Variants in MYRFL observed in about 807,000 individuals in gnomAD.
MYRFL encodes the protein myelin regulatory factor-like protein.
Under a neutral mutation model 109.4 loss-of-function variants are expected in MYRFL, and 88 were observed. The observed-to-expected ratio is 0.80, with a 90% CI of 0.68 to 0.96. MYRFL has a LOEUF of 0.96. Ranked by LOEUF, MYRFL falls within the 40% of genes least tolerant of loss-of-function variation. The pLI, the probability that MYRFL is intolerant of heterozygous loss-of-function variation, is 0.00. For synonymous variants in MYRFL, 324 were observed against 320.9 expected (o/e 1.01, Z -0.10); for missense variants, 957 against 954.9 (o/e 1.00, Z -0.03).
chr12:69,887,071 T>A, intron 6 of MYRFL, 101 bp downstream of exon 6: 1 of 1,262,200 alleles, frequency 7.9e-7, no homozygotes, highest in Non-Finnish European at 1.1e-6. Flanking sequence ...TCTGGTCAAG[T>A]GGGGCAAATC....
At chr12:69,933,925 T>G (rs789563) in intron 16 of MYRFL, among the ~76,000 whole-genome samples, 39,506 of 152,118 alleles carry the variant, frequency 0.26, 5,458 homozygotes, top group Non-Finnish European at 0.32. Flanking sequence ...AGATGGTAGG[T>G]ATTGGGTTTG....
At chr12:69,831,925 G>A (rs180680128) in intron 1 of MYRFL, among the ~76,000 whole-genome samples, 2 of 152,276 alleles carry the variant, frequency 1.3e-5, no homozygotes, top group Non-Finnish European at 1.5e-5. Flanking sequence ...GCAATTTGGA[G>A]CATACAGGCA....
chr12:69,893,672 C>T, intron 7 of MYRFL, 92 bp from the exon 8 acceptor site: 1 of 683,222 alleles, frequency 1.5e-6, no homozygotes, highest in Non-Finnish European at 2.1e-6. Flanking sequence ...TAGGATGATG[C>T]CTTGAAAAGC....
intron 13 of MYRFL, among the ~76,000 whole-genome samples, chr12:69,912,705 G>C (rs1954610302): frequency 6.6e-6 from 1 of 152,042 alleles, no homozygotes; most frequent in Non-Finnish European, 1.5e-5. Context: ...TTCCTATGTT[G>C]ATGAACTCTT....
At chr12:69,884,505 G>C (rs1011331356) in intron 5 of MYRFL, among the ~76,000 whole-genome samples, 7 of 152,200 alleles carry the variant, frequency 4.6e-5, no homozygotes, top group African/African-American at 1.7e-4. Flanking sequence ...CCCTGCCCCT[G>C]TCCACCCTCC....
At chr12:69,897,744 GC>G (rs1954044656) in intron 10 of MYRFL, among the ~76,000 whole-genome samples, 1 of 152,226 alleles carries the variant, frequency 6.6e-6, no homozygotes, top group Non-Finnish European at 1.5e-5. Context: ...AAATGATGGA[GC>G]CTGGATCTCT....
chr12:69,937,955 T>C (rs756013335), intron 19 of MYRFL, among the ~76,000 whole-genome samples: 1 of 151,966 alleles, frequency 6.6e-6, no homozygotes, highest in Non-Finnish European at 1.5e-5. Flanking sequence ...TTCACAAGCC[T>C]ACAAACGAGG....
intron 20 of MYRFL, 70 bp downstream of exon 20, chr12:69,952,245 C>A: frequency 1.4e-6 from 2 of 1,384,530 alleles, no homozygotes; most frequent in Non-Finnish European, 2.0e-6. Flanking sequence ...GTTGTAAAAG[C>A]ATTGCTGGAG....
chr12:69,900,944 G>A (rs1011539556), intron 10 of MYRFL, among the ~76,000 whole-genome samples: 1 of 152,150 alleles, frequency 6.6e-6, no homozygotes, highest in Admixed American at 6.5e-5. Flanking sequence ...AGTGTGTCGA[G>A]AATAACTTTG....
chr12:69,831,938 C>T (rs997329266), intron 1 of MYRFL, among the ~76,000 whole-genome samples: 54 of 152,106 alleles, frequency 3.6e-4, no homozygotes, highest in African/African-American at 1.3e-3. Flanking sequence ...TACAGGCAGG[C>T]TAGGTTGTCT....
chr12:69,860,010 C>G (rs1884541814), intron 2 of MYRFL, among the ~76,000 whole-genome samples: 2 of 152,028 alleles, frequency 1.3e-5, no homozygotes, highest in South Asian at 4.1e-4. Flanking sequence ...AAACGTGTGC[C>G]TAGGTGGTTT....
chr12:69,934,334 C>T (rs1424047484), intron 16 of MYRFL, among the ~76,000 whole-genome samples: 2 of 152,232 alleles, frequency 1.3e-5, no homozygotes, highest in African/African-American at 4.8e-5. Context: ...CCAGGCATGT[C>T]ACCCCAAGGG....
At chr12:69,902,368 C>T (rs1954222935) in intron 10 of MYRFL, among the ~76,000 whole-genome samples, 1 of 152,142 alleles carries the variant, frequency 6.6e-6, no homozygotes, top group African/African-American at 2.4e-5. Flanking sequence ...GTAACAAATG[C>T]ATATGACAAA....
At chr12:69,949,560 TG>T (rs1955921769) in intron 19 of MYRFL, among the ~76,000 whole-genome samples, 1 of 151,764 alleles carries the variant, frequency 6.6e-6, no homozygotes, top group African/African-American at 2.4e-5. Context: ...CCGCGGCCCA[TG>T]GGCCGGCCAC....
intron 1 of MYRFL, among the ~76,000 whole-genome samples, chr12:69,853,220 C>T (rs555824570): frequency 6.6e-6 from 1 of 151,576 alleles, no homozygotes; most frequent in Non-Finnish European, 1.5e-5. Context: ...GGGCTGCCCC[C>T]TACCTCCCTC....
At chr12:69,886,998 GA>G in intron 6 of MYRFL, 28 bp downstream of exon 6, 2 of 1,534,406 alleles carry the variant, frequency 1.3e-6, no homozygotes, top group Non-Finnish European at 1.7e-6. Context: ...GCTGGAGAGT[GA>G]GGGGAGAAAG....
intron 2 of MYRFL, among the ~76,000 whole-genome samples, chr12:69,871,597 A>G (rs933856099): frequency 6.6e-5 from 10 of 152,090 alleles, no homozygotes; most frequent in Non-Finnish European, 1.3e-4. Context: ...TTTGCTGTAT[A>G]CACTTGAAGA....
chr12:69,910,954 T>A, intron 13 of MYRFL, 24 bp downstream of exon 13: 1 of 1,480,274 alleles, frequency 6.8e-7, no homozygotes. Flanking sequence ...AGATATCAGC[T>A]GCTATAAGCT....
At chr12:69,898,205 G>A (rs2136342823) in intron 10 of MYRFL, among the ~76,000 whole-genome samples, 1 of 152,318 alleles carries the variant, frequency 6.6e-6, no homozygotes, top group South Asian at 2.1e-4. Flanking sequence ...ATCTCTCCTT[G>A]CCCGTGTTGA....
Sources: allele counts gnomAD v4.1 joint callset (sites outside exome capture counted in the v4.1 genomes callset), GRCh38; gene constraint gnomAD v4.1.1; transcripts MANE v1.5; gene names NCBI Gene and HGNC (gene_info 2026-07-23, HGNC 2026-07-21).